NRDE2: variants seen among roughly 807,000 people sequenced by gnomAD.
NRDE2 encodes NRDE-2, necessary for RNA interference, domain containing, also known as nuclear exosome regulator NRDE2.
A neutral mutation model predicts 124.2 loss-of-function variants in NRDE2; 76 were observed. The observed-to-expected ratio is 0.61, with a 90% CI of 0.51 to 0.74. The LOEUF (loss-of-function observed/expected upper bound fraction) is 0.74, where lower values mean the gene tolerates loss of function less well. Ranked by LOEUF, NRDE2 falls within the 30% of genes least tolerant of loss-of-function variation. NRDE2 has a pLI of 0.00. For missense variants in NRDE2, 1,314 were observed against 1,417.3 expected, an observed-to-expected ratio of 0.93 and a Z score of 1.17; for synonymous variants, 489 against 528.1, an observed-to-expected ratio of 0.93 and a Z score of 1.01.
intron 9 of NRDE2, among the ~76,000 whole-genome samples, chr14:90,292,082 A>C (rs1393858114): frequency 6.6e-6 from 1 of 152,246 alleles, no homozygotes; most frequent in Admixed American, 6.5e-5. Context: ...CTGGCCACTA[A>C]ACACAGAGCA....
intron 1 of NRDE2, among the ~76,000 whole-genome samples, chr14:90,326,471 G>A (rs1266629363): frequency 1.3e-5 from 2 of 149,904 alleles, no homozygotes; most frequent in African/African-American, 2.5e-5. Context: ...TCTGCAGTCC[G>A]GCCTGGGCGA....
Position 90,268,559 on chromosome 14 carries a change from TCCCAGGA to T in NRDE2, c.*9770_*9776del. 1 of 736,346 alleles carries T rather than the reference TCCCAGGA, an allele frequency of 1.4e-6. No homozygotes were observed. The highest frequency in any genetic ancestry group is 2.3e-6 in the Non-Finnish European group (1 of 443,932). 45.6% of individuals were successfully genotyped at this position (736,346 alleles called of 1,614,324 possible). A position where few individuals can be genotyped will look rare whatever the true frequency, so the allele number is the denominator to read the frequency against. On this transcript the variant is annotated 3_prime_UTR_variant, in exon 14 of 14. Coordinates refer to ENST00000354366, the MANE Select transcript of NRDE2 (RefSeq NM_017970.4). ...TCCATGCATGCTTTAGGCTCTGCTC[TCCCAGGA>T]GCCAGCTAACAACTGCCCAGTAACT...
intron 1 of NRDE2, among the ~76,000 whole-genome samples, chr14:90,321,324 C>A (rs1375989943): frequency 1.3e-5 from 2 of 152,064 alleles, no homozygotes; most frequent in Admixed American, 1.3e-4. Flanking sequence ...GCTTCAGCCT[C>A]CCAAGCAGCT....
chr14:90,282,239 G>A (rs1891972097), intron 12 of NRDE2, among the ~76,000 whole-genome samples: 1 of 152,208 alleles, frequency 6.6e-6, no homozygotes, highest in African/African-American at 2.4e-5. Flanking sequence ...CACTTTGGGA[G>A]GCTGAGGTGA....
chr14:90,293,052 G>A (rs1197427222), intron 8 of NRDE2, among the ~76,000 whole-genome samples, 180 bp from the exon 9 acceptor site: 1 of 152,132 alleles, frequency 6.6e-6, no homozygotes, highest in Non-Finnish European at 1.5e-5. Context: ...AAGTCCTCAG[G>A]AAGCAAAGGA....
At chr14:90,280,543 C>T (rs187903462) in intron 12 of NRDE2, 1 of 152,444 alleles carries the variant, frequency 6.6e-6, no homozygotes, top group Admixed American at 6.5e-5. Context: ...TCCAGGTACA[C>T]AGCTGGCCAG....
rs573347198 is a variant in NRDE2 at position 90,276,646 on chromosome 14, C to A, written c.*1690G>T. On this transcript the variant is annotated 3_prime_UTR_variant, in exon 14 of 14. Transcript: ENST00000354366. The stretch of plus-strand genomic sequence containing the variant: ...GCAAGTAATGTGCTCGCAATCTGTT[C>A]GAGCAGCCGCTTTATCCTCTCGGGG... 2 of 152,254 alleles carry A rather than the reference C, an allele frequency of 1.3e-5. No homozygotes were observed. Among genetic ancestry groups the A allele is most frequent in the South Asian group, 4.2e-4 (2 of 4,818 alleles). The allele number at this position is 152,254 out of a possible 1,614,324, so 9.4% of individuals were successfully genotyped here.
chr14:90,322,754 T>C (rs190980928), intron 1 of NRDE2, among the ~76,000 whole-genome samples: 7 of 152,336 alleles, frequency 4.6e-5, no homozygotes, highest in Admixed American at 3.9e-4. Context: ...AAACTTGCAT[T>C]GTTAAATTCA....
rs953331956 is a variant in NRDE2, at chr14:90,273,456, G to A, written c.*4880C>T. ...GCCTGTAGTCCCAGCTACTCAGGAG[G>A]CTGAGGCAGGACAATCGCTTGAACC... On this transcript the variant is annotated 3_prime_UTR_variant, in exon 14 of 14. Coordinates refer to ENST00000354366, the MANE Select transcript of NRDE2 (RefSeq NM_017970.4). 1.3e-5 allele frequency: 2 copies of A among 152,254 alleles called. No individual in the cohort carries two copies. The highest frequency in any genetic ancestry group is 4.8e-5 in the African/African-American group (2 of 41,442). The allele number at this position is 152,254 out of a possible 1,614,324, so 9.4% of individuals were successfully genotyped here. A position where few individuals can be genotyped will look rare whatever the true frequency, so the allele number is the denominator to read the frequency against.
rs949497996 is a variant in NRDE2 at position 90,276,774 on chromosome 14, C to G, written c.*1562G>C. The G allele has an allele frequency of 6.6e-6, 1 of 152,224 alleles. No homozygotes were observed. The highest frequency in any genetic ancestry group is 1.5e-5 in the Non-Finnish European group (1 of 68,106). 9.4% of individuals were successfully genotyped at this position (152,224 alleles called of 1,614,324 possible). On this transcript the variant is annotated 3_prime_UTR_variant, in exon 14 of 14. Transcript: ENST00000354366. ...ATCAGAGGCCACGCCCTTCTAAGTT[C>G]TGAACCAGATGAGAAGAGACATGAG...
chr14:90,292,166 A>G (rs1892287744), intron 9 of NRDE2, among the ~76,000 whole-genome samples: 1 of 152,250 alleles, frequency 6.6e-6, no homozygotes. Flanking sequence ...CAGGTATTCA[A>G]TAAACACTAG....
Position 90,270,602 on chromosome 14 carries a change from T to G in NRDE2, c.*7734A>C. The G allele has an allele frequency of 8.2e-6, 3 of 366,874 alleles. No individual in the cohort carries two copies. Among genetic ancestry groups the G allele is most frequent in the Non-Finnish European group, 9.7e-6 (2 of 206,130 alleles). 22.7% of individuals were successfully genotyped at this position (366,874 alleles called of 1,614,324 possible). The stretch of plus-strand genomic sequence containing the variant: ...AAGGCTGAGTCGCTGGTACTAAGCC[T>G]TAGGCCCAGGTGACTTTCTCAAGGT... On this transcript the variant is annotated 3_prime_UTR_variant, in exon 14 of 14. Transcript: ENST00000354366.
intron 1 of NRDE2, among the ~76,000 whole-genome samples, chr14:90,326,450 C>T (rs1035000853): frequency 1.3e-5 from 2 of 148,978 alleles, no homozygotes; most frequent in Middle Eastern, 3.4e-3. Flanking sequence ...GCCGAGATCG[C>T]GCCACTGCAG....
chr14:90,324,314 T>C (rs1341493046), intron 1 of NRDE2, among the ~76,000 whole-genome samples: 1 of 152,070 alleles, frequency 6.6e-6, no homozygotes, highest in Non-Finnish European at 1.5e-5. Flanking sequence ...GATGGTCATG[T>C]TTTGAATGAG....
At chr14:90,297,681 C>A (rs1432993663) in intron 8 of NRDE2, among the ~76,000 whole-genome samples, 1 of 152,146 alleles carries the variant, frequency 6.6e-6, no homozygotes, top group Non-Finnish European at 1.5e-5. Flanking sequence ...CACCTGTAAT[C>A]CCAGCACTTT....
intron 8 of NRDE2, among the ~76,000 whole-genome samples, chr14:90,295,836 T>C (rs1370537097): frequency 1.3e-5 from 2 of 152,242 alleles, no homozygotes; most frequent in Non-Finnish European, 2.9e-5. Context: ...AGGACTTCCA[T>C]TAAATTCATT....
At chr14:90,326,135 A>G (rs917313072) in intron 1 of NRDE2, among the ~76,000 whole-genome samples, 1 of 152,194 alleles carries the variant, frequency 6.6e-6, no homozygotes, top group Admixed American at 6.5e-5. Flanking sequence ...GAAATGAGGA[A>G]GATCTCTATA....
At chr14:90,318,223 C>T in intron 1 of NRDE2, 110 bp from the exon 2 acceptor site, 1 of 803,986 alleles carries the variant, frequency 1.2e-6, no homozygotes, top group Non-Finnish European at 2.0e-6. Flanking sequence ...CAATGCCAGC[C>T]AGACGTTTTG....
At position 90,270,494 on chromosome 14, in the gene NRDE2, C is replaced by A; in HGVS notation, c.*7842G>T. The A allele has an allele frequency of 1.1e-6, 1 of 915,942 alleles. No individual in the cohort carries two copies. Among genetic ancestry groups the A allele is most frequent in the Non-Finnish European group, 1.6e-6 (1 of 634,894 alleles). The allele number at this position is 915,942 out of a possible 1,614,324, so 56.7% of individuals were successfully genotyped here. On this transcript the variant is annotated 3_prime_UTR_variant, in exon 14 of 14. Transcript: ENST00000354366. ...CATCATATTGGTTTACGATTACATC[C>A]AAATGGTATATGTGCTTGATATTGA...
Sources: gnomAD v4.1 joint callset for allele counts (sites outside exome capture counted in the v4.1 genomes callset) on GRCh38, gnomAD v4.1.1 for gene constraint, MANE v1.5 for transcripts, NCBI Gene and HGNC (gene_info 2026-07-23, HGNC 2026-07-21) for gene names.